The following SLC35F2 variants were observed in gnomAD, a reference collection of about 807,000 sequenced individuals.
The protein encoded by SLC35F2 is queuine/queuosine transporter SLC35F2.
In SLC35F2, 25 loss-of-function variants were observed where a neutral mutation model predicts 38.1. The ratio of observed to expected loss-of-function variants is 0.66; its 90% confidence interval spans 0.48 to 0.92. The LOEUF (loss-of-function observed/expected upper bound fraction) is 0.92, where lower values mean the gene tolerates loss of function less well. Among genes scored for constraint, SLC35F2 ranks in the 40% least tolerant of loss-of-function variants. The pLI, the probability that SLC35F2 is intolerant of heterozygous loss-of-function variation, is 0.00. For synonymous variants in SLC35F2, 173 were observed against 181.7 expected, an observed-to-expected ratio of 0.95 and a Z score of 0.38; for missense variants, 409 against 452.9, an observed-to-expected ratio of 0.90 and a Z score of 0.88.
At chr11:107,840,376 GT>G (rs1859995591) in intron 1 of SLC35F2, among the ~76,000 whole-genome samples, 1 of 152,180 alleles carries the variant, frequency 6.6e-6, no homozygotes, top group African/African-American at 2.4e-5. Flanking sequence ...AACAAACCCT[GT>G]TCTCAACAGG....
intron 1 of SLC35F2, among the ~76,000 whole-genome samples, chr11:107,826,988 C>T (rs1859762424): frequency 6.6e-6 from 1 of 151,886 alleles, no homozygotes; most frequent in African/African-American, 2.4e-5. Flanking sequence ...GCTATGTCCC[C>T]CTACAATATG....
At chr11:107,816,234 C>T in intron 1 of SLC35F2, 2 of 984,918 alleles carry the variant, frequency 2.0e-6, no homozygotes, top group South Asian at 4.7e-5. Context: ...ATTTTGATTA[C>T]TCAGCTATAA....
At chr11:107,842,671 C>T (rs1860030489) in intron 1 of SLC35F2, among the ~76,000 whole-genome samples, 2 of 152,138 alleles carry the variant, frequency 1.3e-5, no homozygotes, top group Admixed American at 6.6e-5. Context: ...AGGTGTGTAC[C>T]GCCATACCTG....
chr11:107,821,399 C>T (rs1272294610), intron 1 of SLC35F2: 5 of 984,928 alleles, frequency 5.1e-6, no homozygotes, highest in Admixed American at 6.2e-5. Flanking sequence ...TCTCTTGGCT[C>T]CAAATCATAA....
intron 1 of SLC35F2, among the ~76,000 whole-genome samples, chr11:107,831,505 G>A (rs1470490498): frequency 2.0e-5 from 3 of 152,104 alleles, no homozygotes; most frequent in African/African-American, 4.8e-5. Context: ...GATTATAGAC[G>A]TGCACCACCA....
Position 107,792,688 on chromosome 11 carries a change from G to T in SLC35F2, c.1052C>A (p.Thr351Asn). 6.2e-7 allele frequency: 1 copy of T among 1,613,944 alleles called. No homozygotes were observed. Among genetic ancestry groups the T allele is most frequent in the Non-Finnish European group, 8.5e-7 (1 of 1,179,962 alleles). The change falls in exon 8 of 8, where the codon ACC becomes AAC. Residue 351 changes from threonine to asparagine, a missense_variant. Coordinates refer to ENST00000525815, the MANE Select transcript of SLC35F2 (RefSeq NM_017515.5). Reference protein sequence around the residue: ...EPAESSVPPVTSIGIDNLGLK... With the variant: ...EPAESSVPPVNSIGIDNLGLK... ...CCCCAGGTTGTCAATCCCAATGCTG[G>T]TGACTGGAGGCACGCTGCTTTCAGC...
At chr11:107,795,470 G>A (rs1262568321) in intron 7 of SLC35F2, among the ~76,000 whole-genome samples, 1 of 152,148 alleles carries the variant, frequency 6.6e-6, no homozygotes, top group Admixed American at 6.6e-5. Context: ...AGACAAATGG[G>A]ACTATATTAA....
rs1184492651 is a variant in SLC35F2, at chr11:107,858,751, G to A, written c.17C>T (p.Pro6Leu). MEADSPAGPGAPEPLA... is the reference protein window; with the variant it reads MEADSLAGPGAPEPLA... The stretch of plus-strand genomic sequence containing the variant: ...GGGCTCTGGGGCGCCGGGGCCCGCT[G>A]GCGAGTCTGCCTCCATCGGCGCCCT... Residue 6 changes from proline to leucine, a missense_variant, in exon 1 of 8, where the codon CCA becomes CTA. Pro to Leu is a moderately conservative substitution (Grantham distance 98). Coordinates refer to ENST00000525815, the MANE Select transcript of SLC35F2 (RefSeq NM_017515.5). 1.6e-6 allele frequency: 2 copies of A among 1,272,938 alleles called. No individual in the cohort carries two copies. Among genetic ancestry groups the A allele is most frequent in the East Asian group, 5.9e-5 (2 of 33,824 alleles). 78.9% of individuals were successfully genotyped at this position (1,272,938 alleles called of 1,614,324 possible).
chr11:107,810,700 A>T, intron 3 of SLC35F2: 2 of 983,004 alleles, frequency 2.0e-6, no homozygotes, highest in Non-Finnish European at 2.4e-6. Context: ...CCTGAGAACA[A>T]TGCTTAGCAC....
At chr11:107,828,585 C>A (rs905072416) in intron 1 of SLC35F2, among the ~76,000 whole-genome samples, 5 of 152,016 alleles carry the variant, frequency 3.3e-5, no homozygotes, top group Non-Finnish European at 7.4e-5. Context: ...ACAAATTATA[C>A]CTCAGGGTAA....
At chr11:107,797,144 T>C (rs1389011711) in intron 7 of SLC35F2, among the ~76,000 whole-genome samples, 1 of 152,214 alleles carries the variant, frequency 6.6e-6, no homozygotes, top group South Asian at 2.1e-4. Context: ...ATGTCTTATG[T>C]ATCCCATAAA....
Position 107,806,716 on chromosome 11 carries a change from C to T in SLC35F2, c.574+1G>A. ...AGCACAAACATGTGACACCGTCTCA[C>T]CTGAATTGTCTTCCCTCCCTGCTAG... On this transcript the variant is annotated splice_donor_variant, in intron 4 of 7. Transcript: ENST00000525815. LOFTEE classifies it high-confidence loss of function. The T allele has an allele frequency of 3.7e-6, 6 of 1,613,964 alleles. No individual in the cohort carries two copies. Among genetic ancestry groups the T allele is most frequent in the Non-Finnish European group, 4.2e-6 (5 of 1,179,880 alleles).
At chr11:107,820,682 G>A (rs1474734657) in intron 1 of SLC35F2, among the ~76,000 whole-genome samples, 2 of 152,082 alleles carry the variant, frequency 1.3e-5, no homozygotes, top group Non-Finnish European at 2.9e-5. Flanking sequence ...CAGGCTGGGC[G>A]CAGTGGCTCA....
intron 1 of SLC35F2, among the ~76,000 whole-genome samples, chr11:107,847,340 C>G: frequency 6.6e-6 from 1 of 152,170 alleles, no homozygotes; most frequent in Non-Finnish European, 1.5e-5. Flanking sequence ...CATGAGCAAC[C>G]TCACGCAGTC....
chr11:107,806,744 T>C lies in SLC35F2; in HGVS notation c.547A>G (p.Ile183Val), dbSNP rs1319611494. ...GAATTGTCTTCCCTCCCTGCTAGTA[T>C]GTCTGCACCAACCATGGTTCCTACA... Reference protein sequence around the residue: ...LGVGTMVGADILAGREDNSGS... With the variant: ...LGVGTMVGADVLAGREDNSGS... The change falls in exon 4 of 8, where the codon ATA becomes GTA. Residue 183 changes from isoleucine (I) to valine (V), a missense_variant. Ile to Val is a conservative substitution (Grantham distance 29, BLOSUM62 3). Transcript: ENST00000525815. The C allele has an allele frequency of 1.2e-6, 2 of 1,614,012 alleles. No individual in the cohort carries two copies. Among genetic ancestry groups the C allele is most frequent in the Non-Finnish European group, 1.7e-6 (2 of 1,179,994 alleles).
chr11:107,810,014 A>T (rs1197710021), intron 3 of SLC35F2: 2 of 985,246 alleles, frequency 2.0e-6, no homozygotes, highest in African/African-American at 1.7e-5. Flanking sequence ...GACTGTTGGT[A>T]ATTACAGAAC....
At chr11:107,843,915 T>A (rs1341012105) in intron 1 of SLC35F2, among the ~76,000 whole-genome samples, 3 of 124,696 alleles carry the variant, frequency 2.4e-5, no homozygotes, top group Non-Finnish European at 3.3e-5. Context: ...ATATGTATAT[T>A]AATTAAGCCA....
chr11:107,844,626 A>C (rs1052636834), intron 1 of SLC35F2, among the ~76,000 whole-genome samples: 5 of 13,552 alleles, frequency 3.7e-4, no homozygotes, highest in Non-Finnish European at 1.3e-3. Context: ...CTTCTCCAAT[A>C]AATAAATAAA....
intron 4 of SLC35F2, among the ~76,000 whole-genome samples, chr11:107,806,152 A>G (rs979086971): frequency 6.6e-6 from 1 of 152,164 alleles, no homozygotes; most frequent in Non-Finnish European, 1.5e-5. Flanking sequence ...ATTTTTCATA[A>G]TTTAACTCCT....
Sources: gnomAD v4.1 joint callset for allele counts (sites outside exome capture counted in the v4.1 genomes callset) on GRCh38, gnomAD v4.1.1 for gene constraint, MANE v1.5 for transcripts, NCBI Gene and HGNC (gene_info 2026-07-23, HGNC 2026-07-21) for gene names.